DIS3L2: variants seen among roughly 807,000 people sequenced by gnomAD.
DIS3L2 encodes DIS3-like exonuclease 2.
A neutral mutation model predicts 97.5 loss-of-function variants in DIS3L2; 34 were observed. The ratio of observed to expected loss-of-function variants is 0.35; its 90% CI spans 0.27 to 0.46. The LOEUF (loss-of-function observed/expected upper bound fraction) is 0.46. Ranked by LOEUF, DIS3L2 falls within the 20% of genes least tolerant of loss-of-function variation. DIS3L2 has a pLI of 1.00. For missense variants in DIS3L2, 1,038 were observed against 1,146.0 expected, an observed-to-expected ratio of 0.91 and a Z score of 1.36; for synonymous variants, 435 against 445.2, an observed-to-expected ratio of 0.98 and a Z score of 0.29.
intron 6 of DIS3L2, among the ~76,000 whole-genome samples, chr2:232,110,074 T>A (rs1697479491): frequency 6.6e-6 from 1 of 152,050 alleles, no homozygotes; most frequent in Non-Finnish European, 1.5e-5. Flanking sequence ...AAAGAAGACA[T>A]GCATGTGGCC....
intron 2 of DIS3L2, 82 bp from the exon 3 acceptor site, chr2:232,015,432 A>T: frequency 6.6e-7 from 1 of 1,518,266 alleles, no homozygotes; most frequent in South Asian, 1.3e-5. Flanking sequence ...TTAAATAATA[A>T]TTGTAAAAAG....
chr2:232,002,234 G>A (rs1046212489), intron 1 of DIS3L2, among the ~76,000 whole-genome samples: 2 of 152,104 alleles, frequency 1.3e-5, no homozygotes, highest in Non-Finnish European at 2.9e-5. Flanking sequence ...TGCTCTGTGT[G>A]TCTGCTTTGA....
chr2:232,040,106 T>G (rs1293198021), intron 5 of DIS3L2, among the ~76,000 whole-genome samples: 1 of 152,192 alleles, frequency 6.6e-6, no homozygotes, highest in African/African-American at 2.4e-5. Flanking sequence ...AAACTCTATT[T>G]GAAAGAATTG....
At position 232,336,381 on chromosome 2, in the gene DIS3L2, A is replaced by G. The variant is rs749005456; in HGVS notation, c.2497-88A>G. ...GCTTCCAGAGGCCGAAGGAGGGGCC[A>G]GGGGTCCTGCTGCAGGGATGGAGGC... On this transcript the variant is annotated intron_variant, in intron 20 of 20. Transcript: ENST00000325385. The G allele has an allele frequency of 1.5e-4, 233 of 1,550,416 alleles. 8 individuals carry two copies. In the South Asian group the frequency reaches 2.7e-3, roughly 18 times the overall value.
At chr2:232,313,521 C>T (rs1017862395) in intron 14 of DIS3L2, among the ~76,000 whole-genome samples, 1 of 152,150 alleles carries the variant, frequency 6.6e-6, no homozygotes, top group Admixed American at 6.5e-5. Context: ...CTTTACTGCT[C>T]CCTGATTCCT....
chr2:232,136,040 A>G (rs1187551837), intron 7 of DIS3L2, among the ~76,000 whole-genome samples: 1 of 152,210 alleles, frequency 6.6e-6, no homozygotes, highest in African/African-American at 2.4e-5. Flanking sequence ...CAGCTATTCA[A>G]GACATAATTA....
intron 12 of DIS3L2, among the ~76,000 whole-genome samples, chr2:232,254,968 C>G (rs1231643539): frequency 6.6e-6 from 1 of 152,216 alleles, no homozygotes; most frequent in Admixed American, 6.5e-5. Context: ...GACCAAGCGA[C>G]CACATGAGAG....
At chr2:232,329,678 G>C in intron 14 of DIS3L2, 135 bp from the exon 15 acceptor site, 1 of 875,476 alleles carries the variant, frequency 1.1e-6, no homozygotes, top group Non-Finnish European at 1.7e-6. Flanking sequence ...CATGAGATGA[G>C]GTAGCTGGGA....
intron 5 of DIS3L2, among the ~76,000 whole-genome samples, chr2:232,080,900 C>CAAAAAA (rs34838591): frequency 1.9e-4 from 22 of 116,248 alleles, no homozygotes; most frequent in Non-Finnish European, 2.9e-4. Context: ...AGCTCTGTCT[C>CAAAAAA]AAAAAAAAAA....
At chr2:232,195,017 A>G (rs955488634) in intron 9 of DIS3L2, among the ~76,000 whole-genome samples, 3 of 152,222 alleles carry the variant, frequency 2.0e-5, no homozygotes, top group Admixed American at 2.0e-4. Context: ...AGTCATTTTC[A>G]GCCTGCTATT....
intron 11 of DIS3L2, among the ~76,000 whole-genome samples, chr2:232,239,480 C>A (rs936987197): frequency 2.0e-5 from 3 of 152,190 alleles, no homozygotes; most frequent in African/African-American, 7.2e-5. Flanking sequence ...CTTCTCTGAT[C>A]CTCTGCTCAT....
At chr2:232,308,778 C>A (rs757856964) in intron 14 of DIS3L2, among the ~76,000 whole-genome samples, 5 of 152,192 alleles carry the variant, frequency 3.3e-5, no homozygotes, top group Non-Finnish European at 5.9e-5. Flanking sequence ...TCCCAACATG[C>A]CCCCTGCCCG....
intron 5 of DIS3L2, among the ~76,000 whole-genome samples, chr2:232,058,699 G>A (rs1255730716): frequency 6.6e-6 from 1 of 152,122 alleles, no homozygotes; most frequent in Non-Finnish European, 1.5e-5. Flanking sequence ...GTTAGATAAT[G>A]CCCCTACTTT....
At chr2:231,978,490 C>G (rs1299556189) in intron 1 of DIS3L2, 4 of 152,218 alleles carry the variant, frequency 2.6e-5, no homozygotes, top group Non-Finnish European at 5.9e-5. Flanking sequence ...TGGGCTGCTT[C>G]CACATAGACG....
At position 232,240,826 on chromosome 2, in the gene DIS3L2, A is replaced by G. The variant is rs922032266; in HGVS notation, c.1317+2181A>G. 6.6e-5 allele frequency among the ~76,000 whole-genome samples: 10 copies of G among 152,350 alleles called. No individual in the cohort carries two copies. In the East Asian group the frequency reaches 1.9e-3, roughly 29 times the overall value. ...CATGGCCATGAAGCCACGGCCATGC[A>G]CTAGCTGCTGCGCTCTCCTTTTATA... On this transcript the variant is annotated intron_variant, in intron 11 of 20. Coordinates refer to ENST00000325385, the MANE Select transcript of DIS3L2 (RefSeq NM_152383.5).
At chr2:232,017,436 T>A (rs1289997383) in intron 3 of DIS3L2, among the ~76,000 whole-genome samples, 1 of 152,150 alleles carries the variant, frequency 6.6e-6, no homozygotes, top group East Asian at 1.9e-4. Context: ...TTCCCTGGAT[T>A]TATTTGACAA....
At chr2:232,272,005 A>C (rs1694018609) in intron 13 of DIS3L2, among the ~76,000 whole-genome samples, 1 of 152,218 alleles carries the variant, frequency 6.6e-6, no homozygotes, top group African/African-American at 2.4e-5. Flanking sequence ...TGTGGTGGCC[A>C]CTATTTCTGG....
At chr2:232,046,566 G>T (rs562265622) in intron 5 of DIS3L2, among the ~76,000 whole-genome samples, 2 of 152,180 alleles carry the variant, frequency 1.3e-5, no homozygotes, top group African/African-American at 4.8e-5. Context: ...AGTGTAACTT[G>T]TTGGGGCTTC....
At chr2:232,204,681 C>T (rs1249380984) in intron 9 of DIS3L2, among the ~76,000 whole-genome samples, 1 of 152,182 alleles carries the variant, frequency 6.6e-6, no homozygotes, top group Non-Finnish European at 1.5e-5. Context: ...CTGCTCCCTG[C>T]AGGTTGTGAG....
Sources: gnomAD v4.1 joint callset for allele counts (sites outside exome capture counted in the v4.1 genomes callset) on GRCh38, gnomAD v4.1.1 for gene constraint, MANE v1.5 for transcripts, NCBI Gene and HGNC (gene_info 2026-07-23, HGNC 2026-07-21) for gene names.